The following LACTB2 variants were observed in gnomAD, a reference collection of about 807,000 sequenced individuals.
LACTB2 encodes lactamase beta 2, also known as endoribonuclease LACTB2.
LACTB2 carries 32 observed loss-of-function variants against 34.8 expected under a neutral mutation model. The observed-to-expected ratio is 0.92, with a 90% confidence interval of 0.69 to 1.24. LACTB2 has a LOEUF of 1.24. Ranked by LOEUF, LACTB2 falls within the 50% of genes most tolerant of loss-of-function variation. The pLI, the probability that LACTB2 is intolerant of heterozygous loss-of-function variation, is 0.00. For missense variants in LACTB2, 320 were observed against 345.0 expected (o/e 0.93, Z 0.57); for synonymous variants, 120 against 117.5 (o/e 1.02, Z -0.14).
chr8:70,650,013 T>G (rs2132073748), intron 3 of LACTB2, among the ~76,000 whole-genome samples: 1 of 152,332 alleles, frequency 6.6e-6, no homozygotes, highest in South Asian at 2.1e-4. Context: ...GATGAGGGCT[T>G]ACCCTGTCAC....
intron 1 of LACTB2, chr8:70,663,359 A>C (rs1818502132): frequency 6.6e-6 from 1 of 152,224 alleles, no homozygotes; most frequent in Admixed American, 6.5e-5. Context: ...AACAAAAACA[A>C]ACTGGCCTCT....
Position 70,637,685 on chromosome 8 carries a change from T to C in LACTB2, c.*175A>G. 2.6e-6 allele frequency: 1 copy of C among 378,538 alleles called. No individual in the cohort carries two copies. The allele number at this position is 378,538 out of a possible 1,614,324, so 23.4% of individuals were successfully genotyped here. On this transcript the variant is annotated 3_prime_UTR_variant, in exon 7 of 7. Transcript: ENST00000276590. ...ACAAGGTTAGAGAAATAACCTATCATATGGTTGTATAGTGTAATTTACATA... is the reference window on the plus strand; with the variant it reads ...ACAAGGTTAGAGAAATAACCTATCACATGGTTGTATAGTGTAATTTACATA...
chr8:70,638,795 C>T (rs1468458058), intron 5 of LACTB2, among the ~76,000 whole-genome samples, 166 bp from the exon 6 acceptor site: 1 of 149,282 alleles, frequency 6.7e-6, no homozygotes, highest in Admixed American at 6.7e-5. Context: ...GGCTGGAATG[C>T]AGTGGTGCAT....
intron 2 of LACTB2, among the ~76,000 whole-genome samples, chr8:70,659,113 A>G (rs1162895924): frequency 6.6e-6 from 1 of 152,380 alleles, no homozygotes; most frequent in East Asian, 1.9e-4. Flanking sequence ...AATACTGGCT[A>G]GGAAGAGTGG....
intron 1 of LACTB2, among the ~76,000 whole-genome samples, chr8:70,666,305 T>C (rs535930943): frequency 6.6e-6 from 1 of 152,130 alleles, no homozygotes; most frequent in Non-Finnish European, 1.5e-5. Flanking sequence ...ATAAGGACCA[T>C]GAAAAGTATG....
At chr8:70,647,233 A>C (rs1020641829) in intron 3 of LACTB2, among the ~76,000 whole-genome samples, 4 of 151,610 alleles carry the variant, frequency 2.6e-5, no homozygotes, top group Non-Finnish European at 4.4e-5. Context: ...GAATATATAT[A>C]TCTCTATCTA....
chr8:70,650,752 A>AAAAAAAG (rs1563405100), intron 3 of LACTB2, among the ~76,000 whole-genome samples: 3 of 148,248 alleles, frequency 2.0e-5, no homozygotes, highest in African/African-American at 7.5e-5. Flanking sequence ...AAAAAAAAAA[A>AAAAAAAG]AAAAAAGAAA....
At chr8:70,653,715 C>G (rs1818374494) in intron 3 of LACTB2, 1 of 152,148 alleles carries the variant, frequency 6.6e-6, no homozygotes, top group Non-Finnish European at 1.5e-5. Context: ...AGACACCCTA[C>G]AGTGAGGGGT....
intron 1 of LACTB2, among the ~76,000 whole-genome samples, chr8:70,664,878 A>T (rs1396971596): frequency 6.6e-6 from 1 of 152,216 alleles, no homozygotes; most frequent in African/African-American, 2.4e-5. Flanking sequence ...TCATATAACC[A>T]GCAAGAGGCA....
In LACTB2 at chr8:70,637,638, AT is replaced by A. The variant is rs1252514290; in HGVS notation, c.*221del. ...AAACTGATAAACTATTAGATTATGAATTTTTGGTAAAACGTTAGAAGACAAG... is the reference window on the plus strand; with the variant it reads ...AAACTGATAAACTATTAGATTATGAATTTTGGTAAAACGTTAGAAGACAAG... On this transcript the variant is annotated 3_prime_UTR_variant, in exon 7 of 7. Coordinates refer to ENST00000276590, the MANE Select transcript of LACTB2 (RefSeq NM_016027.3). 3.2e-6 allele frequency: 1 copy of A among 312,706 alleles called. No homozygotes were observed. Among genetic ancestry groups the A allele is most frequent in the Non-Finnish European group, 5.9e-6 (1 of 169,410 alleles). The allele number at this position is 312,706 out of a possible 1,614,324, so 19.4% of individuals were successfully genotyped here.
intron 1 of LACTB2, among the ~76,000 whole-genome samples, chr8:70,668,373 G>T (rs562309074): frequency 6.6e-6 from 1 of 152,266 alleles, no homozygotes; most frequent in South Asian, 2.1e-4. Flanking sequence ...CTAAACAAGA[G>T]CAAAAGTATC....
chr8:70,641,126 A>G, intron 4 of LACTB2, 76 bp from the exon 5 acceptor site: 1 of 1,263,850 alleles, frequency 7.9e-7, no homozygotes, highest in Non-Finnish European at 1.1e-6. Flanking sequence ...AACTCACTCT[A>G]TTTAAAAATA....
At chr8:70,644,344 A>G in intron 3 of LACTB2, 101 bp from the exon 4 acceptor site, 1 of 755,646 alleles carries the variant, frequency 1.3e-6, no homozygotes, top group Non-Finnish European at 2.0e-6. Flanking sequence ...TTAGACACAA[A>G]TAAACAGATG....
intron 2 of LACTB2, among the ~76,000 whole-genome samples, chr8:70,659,542 C>A (rs1818456595): frequency 2.0e-5 from 3 of 152,000 alleles, no homozygotes; most frequent in Admixed American, 2.0e-4. Flanking sequence ...ATCTAAGAGG[C>A]CGAAGGAAAA....
At chr8:70,642,504 CTT>C (rs35951740) in intron 4 of LACTB2, among the ~76,000 whole-genome samples, 18 of 130,246 alleles carry the variant, frequency 1.4e-4, no homozygotes, top group Admixed American at 3.1e-4. Flanking sequence ...TCTTTCTTAG[CTT>C]TTTTTTTTTT....
Position 70,669,167 on chromosome 8 carries a change from G to C in LACTB2, c.-47C>G, listed in dbSNP as rs199728447. On this transcript the variant is annotated 5_prime_UTR_variant, in exon 1 of 7. Transcript: ENST00000276590. Reference sequence around the variant, plus strand: ...GCGTGTCGCCTATCTGGATACTCCAGCGCGGAAGAAGCCAACAGGCCGGGG... The same window carrying C: ...GCGTGTCGCCTATCTGGATACTCCACCGCGGAAGAAGCCAACAGGCCGGGG... The C allele has an allele frequency of 5.6e-6, 9 of 1,600,474 alleles. No homozygotes were observed. In the East Asian group the frequency reaches 2.0e-4, roughly 36 times the overall value.
intron 3 of LACTB2, chr8:70,654,537 A>ATGTG (rs143521428): frequency 6.6e-6 from 1 of 151,810 alleles, no homozygotes; most frequent in African/African-American, 2.4e-5. Context: ...ACTGACAAAT[A>ATGTG]TGTGTGTGTG....
chr8:70,668,942 A>T, intron 1 of LACTB2, 57 bp downstream of exon 1: 1 of 1,548,292 alleles, frequency 6.5e-7, no homozygotes. Flanking sequence ...CGATCAGTCA[A>T]AGCCCGGGCT....
At chr8:70,658,392 C>G (rs993037273) in intron 2 of LACTB2, among the ~76,000 whole-genome samples, 1 of 152,138 alleles carries the variant, frequency 6.6e-6, no homozygotes, top group Non-Finnish European at 1.5e-5. Context: ...CTATACCACC[C>G]TTCACTGACA....
Sources: gnomAD v4.1 joint callset for allele counts (sites outside exome capture counted in the v4.1 genomes callset) on GRCh38, gnomAD v4.1.1 for gene constraint, MANE v1.5 for transcripts, NCBI Gene and HGNC (gene_info 2026-07-23, HGNC 2026-07-21) for gene names.